ACMSD: variants seen among roughly 807,000 people sequenced by gnomAD.
ACMSD encodes 2-amino-3-carboxymuconate-6-semialdehyde decarboxylase.
Under a neutral mutation model 45.9 loss-of-function variants are expected in ACMSD, and 37 were observed. That is an observed-to-expected ratio of 0.81 (90% confidence interval 0.62 to 1.06). The LOEUF is 1.06. Among genes scored for constraint, ACMSD ranks in the 50% least tolerant of loss-of-function variants. The pLI is 0.00. For missense variants in ACMSD, 434 were observed against 420.9 expected (o/e 1.03, Z -0.27); for synonymous variants, 138 against 148.8 (o/e 0.93, Z 0.53).
chr2:134,860,581 T>C (rs1478061284), intron 3 of ACMSD, among the ~76,000 whole-genome samples: 1 of 152,020 alleles, frequency 6.6e-6, no homozygotes. Flanking sequence ...AGTTCAAATA[T>C]ACAAAGAGAT....
intron 8 of ACMSD, among the ~76,000 whole-genome samples, chr2:134,892,465 AT>A (rs1167184459): frequency 6.6e-4 from 22 of 33,262 alleles, no homozygotes; most frequent in African/African-American, 3.5e-3. Context: ...TGTGGAAAAA[AT>A]AAATAAATAA....
chr2:134,901,369 A>G (rs1439852032), intron 9 of ACMSD, among the ~76,000 whole-genome samples: 1 of 152,162 alleles, frequency 6.6e-6, no homozygotes, highest in Non-Finnish European at 1.5e-5. Flanking sequence ...CTTAACTTTT[A>G]TTTAGGGCCA....
At chr2:134,838,775 C>A (rs1432690701) in intron 1 of ACMSD, 36 bp downstream of exon 1, 1 of 1,526,530 alleles carries the variant, frequency 6.6e-7, no homozygotes, top group South Asian at 1.1e-5. Context: ...ATTTCTGAAA[C>A]TTCTCCAGGG....
intron 2 of ACMSD, among the ~76,000 whole-genome samples, chr2:134,856,616 T>C (rs1165202403): frequency 6.6e-6 from 1 of 152,234 alleles, no homozygotes; most frequent in Non-Finnish European, 1.5e-5. Context: ...CTATTGGCCA[T>C]TTGTATATCT....
At chr2:134,887,765 G>T (rs1012144078) in intron 8 of ACMSD, among the ~76,000 whole-genome samples, 3 of 152,138 alleles carry the variant, frequency 2.0e-5, no homozygotes, top group Non-Finnish European at 2.9e-5. Flanking sequence ...GCAATTACAT[G>T]GGGAAAGGAA....
chr2:134,846,818 T>C (rs1174954023), intron 2 of ACMSD, among the ~76,000 whole-genome samples: 4 of 152,184 alleles, frequency 2.6e-5, no homozygotes, highest in African/African-American at 9.6e-5. Flanking sequence ...CCTGCTCTGA[T>C]AGTGCTCAGA....
chr2:134,873,389 G>C (rs1688563391), intron 8 of ACMSD: 1 of 152,194 alleles, frequency 6.6e-6, no homozygotes, highest in Non-Finnish European at 1.5e-5. Context: ...AAAGGCCATA[G>C]TGAAAAGTCT....
intron 8 of ACMSD, 172 bp downstream of exon 8, chr2:134,872,813 AG>A: frequency 4.4e-6 from 3 of 688,730 alleles, no homozygotes; most frequent in Non-Finnish European, 7.3e-6. Flanking sequence ...GATTCTCTCC[AG>A]GGTCTCCCTC....
rs541169081 is a variant in ACMSD, at chr2:134,888,098, A to G, written c.850-10243A>G. Among the ~76,000 whole-genome samples, 12 of 152,298 alleles carry G rather than the reference A, an allele frequency of 7.9e-5. No homozygotes were observed. In the East Asian group the frequency reaches 2.1e-3, roughly 27 times the overall value. On this transcript the variant is annotated intron_variant, in intron 8 of 9. Coordinates refer to ENST00000356140, the MANE Select transcript of ACMSD (RefSeq NM_138326.3). ...ACATGAATAAGTAAGCCACAGAATG[A>G]TAGGAAATGTTCATAAAGCATATAT...
intron 8 of ACMSD, among the ~76,000 whole-genome samples, chr2:134,889,770 T>C (rs1027825093): frequency 6.6e-5 from 10 of 151,946 alleles, no homozygotes; most frequent in Non-Finnish European, 1.0e-4. Context: ...GGAAATAGCA[T>C]AAGGATACAG....
chr2:134,853,605 G>C (rs1687448313), intron 2 of ACMSD, among the ~76,000 whole-genome samples: 1 of 152,102 alleles, frequency 6.6e-6, no homozygotes, highest in Non-Finnish European at 1.5e-5. Flanking sequence ...CCAGCAGCAA[G>C]TGCTGACAGA....
chr2:134,862,822 A>G, intron 4 of ACMSD: 4 of 287,916 alleles, frequency 1.4e-5, no homozygotes, highest in Non-Finnish European at 2.1e-5. Context: ...GGGGTGACAG[A>G]GGAAAGTAAA....
chr2:134,863,721 C>T, intron 5 of ACMSD, 90 bp downstream of exon 5: 1 of 1,335,140 alleles, frequency 7.5e-7, no homozygotes, highest in Non-Finnish European at 1.1e-6. Flanking sequence ...GGTGAAGCGT[C>T]ACCCCACTGG....
chr2:134,876,477 C>T (rs1183050884), intron 8 of ACMSD, among the ~76,000 whole-genome samples: 2 of 151,964 alleles, frequency 1.3e-5, no homozygotes, highest in Admixed American at 1.3e-4. Flanking sequence ...CTCAAGTATA[C>T]ACATTAGCCT....
At chr2:134,885,255 TAA>T (rs1491130710) in intron 8 of ACMSD, among the ~76,000 whole-genome samples, 15 of 106,940 alleles carry the variant, frequency 1.4e-4, no homozygotes, top group East Asian at 4.6e-4. Context: ...TATTTATATA[TAA>T]TATATATATA....
At chr2:134,847,270 G>A (rs1220739999) in intron 2 of ACMSD, among the ~76,000 whole-genome samples, 2 of 152,118 alleles carry the variant, frequency 1.3e-5, no homozygotes, top group East Asian at 3.9e-4. Context: ...AAAAGATGGA[G>A]AGGAAGCCAG....
chr2:134,875,231 A>C (rs760839094), intron 8 of ACMSD, among the ~76,000 whole-genome samples: 4 of 152,122 alleles, frequency 2.6e-5, no homozygotes, highest in African/African-American at 4.8e-5. Flanking sequence ...GACTTCAGCA[A>C]TCTGCCTGCC....
At chr2:134,887,562 C>T (rs796607477) in intron 8 of ACMSD, among the ~76,000 whole-genome samples, 1 of 152,276 alleles carries the variant, frequency 6.6e-6, no homozygotes, top group African/African-American at 2.4e-5. Context: ...CACCACCATA[C>T]CTGGCTAATT....
intron 2 of ACMSD, among the ~76,000 whole-genome samples, chr2:134,856,038 A>G (rs1687565343): frequency 6.6e-6 from 1 of 152,174 alleles, no homozygotes; most frequent in Non-Finnish European, 1.5e-5. Context: ...AAGCAGAGGA[A>G]CACTGTCTAG....
Sources: allele counts gnomAD v4.1 joint callset (sites outside exome capture counted in the v4.1 genomes callset), GRCh38; gene constraint gnomAD v4.1.1; transcripts MANE v1.5; gene names NCBI Gene and HGNC (gene_info 2026-07-23, HGNC 2026-07-21).